ZNF804A: variants seen among roughly 807,000 people sequenced by gnomAD.
ZNF804A encodes zinc finger protein 804A.
ZNF804A carries 2 observed loss-of-function variants against 16.5 expected under a neutral mutation model. The observed-to-expected ratio is 0.12, with a 90% CI of 0.05 to 0.38. The LOEUF (loss-of-function observed/expected upper bound fraction) is 0.38. ZNF804A is among the 10% of genes least tolerant of loss of function. The probability of loss-of-function intolerance (pLI) is 0.99; values close to 1 mark genes in which losing one functional copy is unlikely to be tolerated. For synonymous variants in ZNF804A, 534 were observed against 489.6 expected (o/e 1.09, Z -1.20); for missense variants, 1,473 against 1,390.7 (o/e 1.06, Z -0.94).
intron 1 of ZNF804A, among the ~76,000 whole-genome samples, chr2:184,726,764 A>T (rs965279772): frequency 2.0e-5 from 3 of 151,558 alleles, no homozygotes; most frequent in African/African-American, 7.2e-5. Context: ...TTTTGTAAAA[A>T]TACACAGTTA....
chr2:184,649,031 C>T (rs1331377119), intron 1 of ZNF804A, among the ~76,000 whole-genome samples: 2 of 151,796 alleles, frequency 1.3e-5, no homozygotes, highest in African/African-American at 4.8e-5. Context: ...AAACACTTAG[C>T]CACAAAGCAA....
intron 2 of ZNF804A, among the ~76,000 whole-genome samples, chr2:184,877,576 C>A (rs931286602): frequency 3.3e-5 from 5 of 151,964 alleles, no homozygotes; most frequent in African/African-American, 1.2e-4. Flanking sequence ...TTTTTGCTCT[C>A]TGTGGTAAGA....
chr2:184,602,437 T>C (rs1020673214), intron 1 of ZNF804A, among the ~76,000 whole-genome samples: 12 of 152,080 alleles, frequency 7.9e-5, no homozygotes, highest in Middle Eastern at 3.6e-3. Flanking sequence ...AAAGTTTATC[T>C]TCCATCTAAT....
chr2:184,768,597 A>G (rs1030791312), intron 1 of ZNF804A, among the ~76,000 whole-genome samples: 1 of 151,988 alleles, frequency 6.6e-6, no homozygotes, highest in South Asian at 2.1e-4. Context: ...TGGGGTCTGA[A>G]ATACAGTATT....
At chr2:184,795,483 C>T (rs572505431) in intron 1 of ZNF804A, among the ~76,000 whole-genome samples, 17 of 152,006 alleles carry the variant, frequency 1.1e-4, no homozygotes, top group African/African-American at 4.1e-4. Flanking sequence ...AGAGTACAAA[C>T]AGACAATCTA....
At chr2:184,621,283 TCAAGTAAGATA>T (rs1691414472) in intron 1 of ZNF804A, among the ~76,000 whole-genome samples, 1 of 151,700 alleles carries the variant, frequency 6.6e-6, no homozygotes. Flanking sequence ...GTAACAAATA[TCAAGTAAGATA>T]CACTATACAT....
At chr2:184,792,521 A>C (rs1293005837) in intron 1 of ZNF804A, among the ~76,000 whole-genome samples, 2 of 151,860 alleles carry the variant, frequency 1.3e-5, no homozygotes, top group African/African-American at 4.8e-5. Context: ...TCATTTTTTC[A>C]TTGAGTTCTA....
chr2:184,640,505 C>T (rs1478307396), intron 1 of ZNF804A, among the ~76,000 whole-genome samples: 1 of 151,896 alleles, frequency 6.6e-6, no homozygotes, highest in African/African-American at 2.4e-5. Flanking sequence ...TTTTATGAAG[C>T]CAATGCTTCC....
At chr2:184,623,973 A>T (rs912631351) in intron 1 of ZNF804A, among the ~76,000 whole-genome samples, 1 of 152,212 alleles carries the variant, frequency 6.6e-6, no homozygotes, top group South Asian at 2.1e-4. Flanking sequence ...TCGAGAAATC[A>T]GTATGCTTAT....
At chr2:184,757,676 A>T (rs1693980272) in intron 1 of ZNF804A, among the ~76,000 whole-genome samples, 1 of 151,940 alleles carries the variant, frequency 6.6e-6, no homozygotes, top group African/African-American at 2.4e-5. Flanking sequence ...CATTCACCTT[A>T]AAAAACACTG....
intron 1 of ZNF804A, among the ~76,000 whole-genome samples, chr2:184,863,959 T>G (rs1257082963): frequency 3.9e-5 from 6 of 152,188 alleles, no homozygotes; most frequent in Non-Finnish European, 7.4e-5. Flanking sequence ...AATTGACAAA[T>G]TTGCTGAGAA....
intron 1 of ZNF804A, among the ~76,000 whole-genome samples, chr2:184,714,361 T>C (rs1455933325): frequency 6.6e-6 from 1 of 152,092 alleles, no homozygotes; most frequent in Non-Finnish European, 1.5e-5. Flanking sequence ...TTAATGTTGG[T>C]AAACTATTAA....
intron 2 of ZNF804A, among the ~76,000 whole-genome samples, chr2:184,918,526 A>G (rs1015120299): frequency 4.2e-4 from 64 of 152,298 alleles, no homozygotes; most frequent in Non-Finnish European, 7.9e-4. Flanking sequence ...CAGAACATAT[A>G]CAGCTTTCTG....
At chr2:184,686,832 T>C (rs770076354) in intron 1 of ZNF804A, among the ~76,000 whole-genome samples, 50 of 152,238 alleles carry the variant, frequency 3.3e-4, no homozygotes, top group Non-Finnish European at 5.9e-4. Context: ...TGGCTGCTTG[T>C]ATGTCTTCTT....
intron 2 of ZNF804A, among the ~76,000 whole-genome samples, chr2:184,878,305 T>C (rs1684744787): frequency 1.3e-5 from 2 of 152,032 alleles, no homozygotes; most frequent in Admixed American, 1.3e-4. Flanking sequence ...CTCAGAGATG[T>C]CTATTTTACC....
At chr2:184,917,670 GGT>G (rs369876378) in intron 2 of ZNF804A, among the ~76,000 whole-genome samples, 6 of 150,784 alleles carry the variant, frequency 4.0e-5, no homozygotes, top group Non-Finnish European at 7.4e-5. Context: ...AACTATCATA[GGT>G]GTGTGTGTGT....
At chr2:184,695,392 C>T (rs1395676373) in intron 1 of ZNF804A, among the ~76,000 whole-genome samples, 1 of 137,122 alleles carries the variant, frequency 7.3e-6, no homozygotes, top group East Asian at 2.4e-4. Flanking sequence ...ACCCGGTAGG[C>T]GGAGCTCGCA....
intron 1 of ZNF804A, among the ~76,000 whole-genome samples, chr2:184,637,185 C>T (rs1691713404): frequency 6.6e-6 from 1 of 151,982 alleles, no homozygotes; most frequent in African/African-American, 2.4e-5. Flanking sequence ...ATTTAAAAGA[C>T]AAATTTTTAT....
At chr2:184,739,683 T>G (rs1693684304) in intron 1 of ZNF804A, among the ~76,000 whole-genome samples, 1 of 152,136 alleles carries the variant, frequency 6.6e-6, no homozygotes, top group Admixed American at 6.6e-5. Context: ...TGAGCCACCA[T>G]GCTGGGCCTC....
Sources: gnomAD v4.1 joint callset for allele counts (sites outside exome capture counted in the v4.1 genomes callset) on GRCh38, gnomAD v4.1.1 for gene constraint, MANE v1.5 for transcripts, NCBI Gene and HGNC (gene_info 2026-07-23, HGNC 2026-07-21) for gene names.